Variants in NRXN2 observed in about 807,000 individuals in gnomAD.
The protein encoded by NRXN2 is neurexin 2.
NRXN2 carries 29 observed loss-of-function variants against 128.8 expected under a neutral mutation model. The observed-to-expected ratio is 0.23, with a 90% CI of 0.17 to 0.31. The LOEUF is 0.31. NRXN2 is among the 10% of genes least tolerant of loss of function. The pLI is 1.00. For missense variants in NRXN2, 1,881 were observed against 2,452.6 expected (o/e 0.77, Z 4.92); for synonymous variants, 1,098 against 1,075.2 (o/e 1.02, Z -0.41).
chr11:64,609,627 C>T (rs1056338025), intron 22 of NRXN2, among the ~76,000 whole-genome samples: 4 of 152,232 alleles, frequency 2.6e-5, no homozygotes, highest in Non-Finnish European at 5.9e-5. Context: ...TGACTCCCAT[C>T]AGCCTCCTGG....
In NRXN2 at chr11:64,632,156, G is replaced by A. The variant is rs997574730; in HGVS notation, c.3586-1583C>T. Among the ~76,000 whole-genome samples the A allele has an allele frequency of 1.3e-5, 2 of 152,208 alleles. No homozygotes were observed. The highest frequency in any genetic ancestry group is 2.9e-5 in the Non-Finnish European group (2 of 68,036). On this transcript the variant is annotated intron_variant, in intron 18 of 22. Coordinates refer to ENST00000265459, the MANE Select transcript of NRXN2 (RefSeq NM_015080.4). This position sits in a 1 kb window ranked among gnomAD's most constrained non-coding sequence, Gnocchi z 4.2. The stretch of plus-strand genomic sequence containing the variant: ...GTTGGGGTTTGGCAGAGAGAGTTGG[G>A]GGACAAGGTTTGCAGCTGTGGCTCA...
At chr11:64,668,144 G>A (rs1302224450) in intron 8 of NRXN2, among the ~76,000 whole-genome samples, 2 of 152,214 alleles carry the variant, frequency 1.3e-5, no homozygotes, top group African/African-American at 4.8e-5. Context: ...CCAATGAGTG[G>A]AAGAGTTGGG....
intron 11 of NRXN2, among the ~76,000 whole-genome samples, chr11:64,654,804 T>C (rs2048016091): frequency 1.3e-5 from 2 of 152,184 alleles, no homozygotes; most frequent in African/African-American, 2.4e-5. Flanking sequence ...GCAGAAATCC[T>C]TTACTGGGAA....
chr11:64,709,877 G>C (rs545372448), intron 2 of NRXN2, among the ~76,000 whole-genome samples: 1 of 149,014 alleles, frequency 6.7e-6, no homozygotes, highest in Admixed American at 6.7e-5. Flanking sequence ...GCTGGCGCCC[G>C]CCTTATATCT....
Position 64,607,710 on chromosome 11 carries a change from C to T in NRXN2, c.4625G>A (p.Gly1542Glu), listed in dbSNP as rs775380558. Residue 1542 changes from glycine to glutamate, a missense_variant, in exon 23 of 23, where the codon GGG (glycine) becomes GAG (glutamate). Gly to Glu is a moderately conservative substitution (Grantham distance 98, BLOSUM62 -2). This residue lies in a region of NRXN2 where 310 missense variants were observed against 318.2 expected (regional missense o/e 0.97). Coordinates refer to ENST00000265459, the MANE Select transcript of NRXN2 (RefSeq NM_015080.4). Reference protein sequence around the residue: ...PAPRPNLRTDGATGAPGVLFA... With the variant: ...PAPRPNLRTDEATGAPGVLFA... Reference sequence around the variant, plus strand: ...CAGCACCCCAGGGGCGCCCGTGGCCCCATCTGTCCTGAGGTTGGGCCGGGG... The same window carrying T: ...CAGCACCCCAGGGGCGCCCGTGGCCTCATCTGTCCTGAGGTTGGGCCGGGG... The T allele has an allele frequency of 5.3e-5, 82 of 1,551,514 alleles. No homozygotes were observed. The highest frequency in any genetic ancestry group is 6.9e-5 in the Non-Finnish European group (79 of 1,146,328).
In NRXN2 at chr11:64,651,958, C is replaced by T. The variant is rs1026403120; in HGVS notation, c.2536+77G>A. On this transcript the variant is annotated intron_variant, in intron 13 of 22. Coordinates refer to ENST00000265459, the MANE Select transcript of NRXN2 (RefSeq NM_015080.4). The surrounding 1 kb of genome is among the most constrained non-coding windows in gnomAD (Gnocchi z 5.9). ...ACTGCCCTAGGAATGGCAGCCCAGG[C>T]AGTAGTCACCAAGTAGAACAGGGCC... 1 of 1,594,286 alleles carries T rather than the reference C, an allele frequency of 6.3e-7. No homozygotes were observed. Among genetic ancestry groups the T allele is most frequent in the African/African-American group, 1.3e-5 (1 of 74,742 alleles).
chr11:64,628,159 T>A (rs534261981), intron 19 of NRXN2, among the ~76,000 whole-genome samples: 1 of 152,364 alleles, frequency 6.6e-6, no homozygotes, highest in South Asian at 2.1e-4. Context: ...TGAGCACCTT[T>A]GCTATGCCAT....
chr11:64,621,413 A>T (rs527826341), intron 21 of NRXN2, among the ~76,000 whole-genome samples: 1 of 152,048 alleles, frequency 6.6e-6, no homozygotes. Flanking sequence ...TAGAGCCCAG[A>T]CCTTTTCCCC....
intron 6 of NRXN2, among the ~76,000 whole-genome samples, chr11:64,681,412 G>A (rs1255132458): frequency 2.0e-5 from 3 of 152,110 alleles, no homozygotes; most frequent in South Asian, 2.1e-4. Flanking sequence ...GTGATGAGAC[G>A]GCTCAAATAC....
At position 64,667,625 on chromosome 11, in the gene NRXN2, T is replaced by G; in HGVS notation, c.1423A>C (p.Lys475Gln). 6.2e-7 allele frequency: 1 copy of G among 1,614,224 alleles called. No homozygotes were observed. The highest frequency in any genetic ancestry group is 8.5e-7 in the Non-Finnish European group (1 of 1,180,042). ...GACAAGTCCCCCTGCAGCTTCATCT[T>G]GGGGTCCCCTTCCTTTGCCAGGCGG... is the stretch of plus-strand genomic sequence containing the variant. ...LSRLAKEGDP[K>Q]MKLQGDLSFR... Residue 475 changes from lysine (K) to glutamine (Q), a missense_variant, in exon 9 of 23, where the codon AAG becomes CAG. By Grantham distance (53) the Lys-to-Gln change is moderately conservative (BLOSUM62 1). This residue lies in a region of NRXN2 where 997 missense variants were observed against 1,240.8 expected (regional missense o/e 0.80). Coordinates refer to ENST00000265459, the MANE Select transcript of NRXN2 (RefSeq NM_015080.4). The surrounding 1 kb of genome is among the most constrained non-coding windows in gnomAD (Gnocchi z 5.6).
intron 19 of NRXN2, among the ~76,000 whole-genome samples, chr11:64,628,517 C>A (rs1429017448): frequency 1.3e-5 from 2 of 152,176 alleles, no homozygotes; most frequent in African/African-American, 4.8e-5. Flanking sequence ...CCTTTCCTCA[C>A]CCCTAGTCAG....
At chr11:64,673,696 G>A (rs1263928805) in intron 7 of NRXN2, among the ~76,000 whole-genome samples, 2 of 151,856 alleles carry the variant, frequency 1.3e-5, no homozygotes, top group African/African-American at 4.8e-5. Context: ...GTTTGTGTGT[G>A]TGTGTGTTTG....
intron 12 of NRXN2, 118 bp from the exon 13 acceptor site, chr11:64,652,272 T>C (rs2047574844): frequency 7.5e-7 from 1 of 1,326,394 alleles, no homozygotes; most frequent in East Asian, 2.5e-5. Context: ...CATGAACACA[T>C]ACATGACCAG....
Position 64,672,906 on chromosome 11 carries a change from G to A in NRXN2, c.1197+4087C>T, listed in dbSNP as rs79696649. Among the ~76,000 whole-genome samples, 12 of 152,266 alleles carry A rather than the reference G, an allele frequency of 7.9e-5. No homozygotes were observed. In the East Asian group the frequency reaches 2.3e-3, roughly 29 times the overall value. On this transcript the variant is annotated intron_variant, in intron 7 of 22. Transcript: ENST00000265459. ...CTGAGGTCTGGATTTGATAGTTTGG[G>A]AATAGAGAGGAAAGAGGTCAGAAAT...
chr11:64,696,135 C>T (rs1391228853), intron 3 of NRXN2, among the ~76,000 whole-genome samples: 9 of 151,922 alleles, frequency 5.9e-5, no homozygotes, highest in Admixed American at 5.9e-4. Context: ...CTCTTCCTCC[C>T]TCCATCTCAC....
intron 9 of NRXN2, among the ~76,000 whole-genome samples, chr11:64,665,068 G>A (rs2049624602): frequency 6.6e-6 from 1 of 151,948 alleles, no homozygotes. Flanking sequence ...GGATCATGAG[G>A]TCAAGAGTTC....
intron 11 of NRXN2, among the ~76,000 whole-genome samples, chr11:64,655,753 G>A (rs2048182937): frequency 6.6e-6 from 1 of 152,158 alleles, no homozygotes; most frequent in Non-Finnish European, 1.5e-5. Context: ...GTTTGCAAGA[G>A]CAAACGACTT....
chr11:64,640,337 C>T (rs891125365), intron 17 of NRXN2, among the ~76,000 whole-genome samples: 1 of 152,166 alleles, frequency 6.6e-6, no homozygotes, highest in African/African-American at 2.4e-5. Flanking sequence ...GTCCCTCAGC[C>T]AGTTCCTCTC....
chr11:64,645,520 C>T (rs943081458), intron 17 of NRXN2, among the ~76,000 whole-genome samples: 1 of 152,078 alleles, frequency 6.6e-6, no homozygotes, highest in African/African-American at 2.4e-5. Context: ...GGGAACACCT[C>T]GGTCCCAAAT....
Sources: allele counts gnomAD v4.1 joint callset (sites outside exome capture counted in the v4.1 genomes callset), GRCh38; gene constraint gnomAD v4.1.1; regional missense constraint gnomAD v4.1.1; non-coding constraint Gnocchi (gnomAD v3.1); transcripts MANE v1.5; gene names NCBI Gene and HGNC (gene_info 2026-07-23, HGNC 2026-07-21).